Variants in MYO16 observed in about 807,000 individuals in gnomAD.
The protein encoded by MYO16 is myosin XVI, also known as unconventional myosin-XVI.
In MYO16, 94 loss-of-function variants were observed where a neutral mutation model predicts 205.3. That is an observed-to-expected ratio of 0.46 (90% CI 0.39 to 0.54). The LOEUF is 0.54. MYO16 is among the 20% of genes least tolerant of loss of function. The pLI, the probability that MYO16 is intolerant of heterozygous loss-of-function variation, is 0.00. For synonymous variants in MYO16, 988 were observed against 954.0 expected, an observed-to-expected ratio of 1.04 and a Z score of -0.66; for missense variants, 2,315 against 2,387.5, an observed-to-expected ratio of 0.97 and a Z score of 0.63.
intron 20 of MYO16, among the ~76,000 whole-genome samples, chr13:108,979,493 GATTTTTTTACC>G (rs1884383343): frequency 6.6e-6 from 1 of 151,954 alleles, no homozygotes; most frequent in Admixed American, 6.6e-5. Flanking sequence ...CCAAACTGGG[GATTTTTTTACC>G]ATTAAATAAT....
At chr13:109,031,077 A>G (rs1468273407) in intron 23 of MYO16, among the ~76,000 whole-genome samples, 2 of 152,100 alleles carry the variant, frequency 1.3e-5, no homozygotes, top group East Asian at 3.9e-4. Flanking sequence ...GAATAAAGGA[A>G]TGAATGAATT....
At chr13:108,982,543 G>A (rs1444689809) in intron 20 of MYO16, among the ~76,000 whole-genome samples, 1 of 152,172 alleles carries the variant, frequency 6.6e-6, no homozygotes, top group African/African-American at 2.4e-5. Context: ...GAAATGGCAT[G>A]CAGCTTTCAA....
chr13:108,533,380 A>G, the MYO16 span, among the ~76,000 whole-genome samples: 1 of 152,202 alleles, frequency 6.6e-6, no homozygotes, highest in East Asian at 1.9e-4. Context: ...CACATAATCT[A>G]GGGGTGGGAG....
chr13:108,720,156 A>G (rs1729274352), intron 3 of MYO16, among the ~76,000 whole-genome samples: 1 of 152,196 alleles, frequency 6.6e-6, no homozygotes, highest in Non-Finnish European at 1.5e-5. Context: ...TGCCAGAGAG[A>G]AGATCATGAA....
At chr13:108,507,426 A>G in the MYO16 span, among the ~76,000 whole-genome samples, 7 of 152,044 alleles carry the variant, frequency 4.6e-5, no homozygotes, top group Admixed American at 2.0e-4. Flanking sequence ...TTTAAAGAAA[A>G]ACTTTGAATA....
At chr13:108,505,959 A>G in the MYO16 span, among the ~76,000 whole-genome samples, 2 of 152,056 alleles carry the variant, frequency 1.3e-5, no homozygotes, top group African/African-American at 4.8e-5. Context: ...TTTGTTGAGG[A>G]TCATTTAACT....
chr13:109,175,211 A>G (rs1436569912), intron 33 of MYO16, among the ~76,000 whole-genome samples: 1 of 152,182 alleles, frequency 6.6e-6, no homozygotes, highest in Non-Finnish European at 1.5e-5. Context: ...ATGTCCTAAA[A>G]GCCATTCCTC....
At chr13:109,000,333 C>T (rs757261849) in intron 21 of MYO16, among the ~76,000 whole-genome samples, 12 of 152,148 alleles carry the variant, frequency 7.9e-5, no homozygotes, top group Non-Finnish European at 1.6e-4. Context: ...CTTACAACAG[C>T]TTTTTCAGAA....
At chr13:108,919,082 G>T (rs369850325) in intron 16 of MYO16, among the ~76,000 whole-genome samples, 2 of 152,228 alleles carry the variant, frequency 1.3e-5, no homozygotes, top group African/African-American at 4.8e-5. Context: ...AGATACTCAG[G>T]CTCTTTTCAG....
chr13:108,684,283 A>G (rs1882585304), intron 2 of MYO16, among the ~76,000 whole-genome samples: 4 of 152,170 alleles, frequency 2.6e-5, no homozygotes, highest in African/African-American at 7.2e-5. Flanking sequence ...TTCAAGCATG[A>G]AAGGTGTGTT....
chr13:108,943,701 TCGG>T (rs1324456501), intron 16 of MYO16, among the ~76,000 whole-genome samples: 1 of 152,114 alleles, frequency 6.6e-6, no homozygotes, highest in Non-Finnish European at 1.5e-5. Flanking sequence ...TCCACCTGCC[TCGG>T]CCTCCCAAAG....
intron 3 of MYO16, among the ~76,000 whole-genome samples, chr13:108,722,698 A>C (rs1372543475): frequency 2.6e-5 from 4 of 152,176 alleles, no homozygotes; most frequent in African/African-American, 9.7e-5. Context: ...GCAGAAAAGG[A>C]ATTACTTGCA....
chr13:108,917,380 T>C (rs961542707), intron 16 of MYO16, among the ~76,000 whole-genome samples: 1 of 152,168 alleles, frequency 6.6e-6, no homozygotes, highest in African/African-American at 2.4e-5. Context: ...AGGAGCAACA[T>C]GAGGCCCTGT....
intron 2 of MYO16, among the ~76,000 whole-genome samples, chr13:108,701,737 A>G (rs1883315227): frequency 6.6e-6 from 1 of 152,218 alleles, no homozygotes; most frequent in African/African-American, 2.4e-5. Flanking sequence ...GAGAGCCCAG[A>G]TATTAGATTT....
the MYO16 span, among the ~76,000 whole-genome samples, chr13:108,566,743 AAGG>A: frequency 1.2e-3 from 82 of 66,058 alleles, no homozygotes; most frequent in Middle Eastern, 0.029. Flanking sequence ...GGGAGGAAGG[AAGG>A]AAGGAAGGAA....
intron 22 of MYO16, among the ~76,000 whole-genome samples, chr13:109,015,246 T>G (rs1885764375): frequency 6.6e-6 from 1 of 152,226 alleles, no homozygotes; most frequent in African/African-American, 2.4e-5. Flanking sequence ...TTGGCTCTGT[T>G]TATGTGATGG....
intron 33 of MYO16, among the ~76,000 whole-genome samples, chr13:109,176,325 G>T (rs1369771608): frequency 6.6e-6 from 1 of 150,788 alleles, no homozygotes; most frequent in Admixed American, 6.6e-5. Flanking sequence ...TTAATATCTG[G>T]GATCTGTAGG....
At chr13:108,599,718 T>C (rs1242045697) in intron 1 of MYO16, among the ~76,000 whole-genome samples, 2 of 152,094 alleles carry the variant, frequency 1.3e-5, no homozygotes, top group Non-Finnish European at 2.9e-5. Flanking sequence ...GAGCTGAAAA[T>C]TTTTATGATT....
intron 13 of MYO16, among the ~76,000 whole-genome samples, chr13:108,884,577 C>T (rs1004455734): frequency 2.0e-5 from 3 of 152,130 alleles, no homozygotes; most frequent in African/African-American, 7.2e-5. Flanking sequence ...GAGAAAGACG[C>T]CGAGACAGGG....
Sources: gnomAD v4.1 joint callset for allele counts (sites outside exome capture counted in the v4.1 genomes callset) on GRCh38, gnomAD v4.1.1 for gene constraint, MANE v1.5 for transcripts, NCBI Gene and HGNC (gene_info 2026-07-23, HGNC 2026-07-21) for gene names.